Variants in ADGRV1 observed in about 807,000 individuals in gnomAD.
ADGRV1 encodes adhesion G protein-coupled receptor V1.
Under a neutral mutation model 596.2 loss-of-function variants are expected in ADGRV1, and 359 were observed. The ratio of observed to expected loss-of-function variants is 0.60; its 90% confidence interval spans 0.55 to 0.66. The LOEUF (loss-of-function observed/expected upper bound fraction) is 0.66, where lower values mean the gene tolerates loss of function less well. Among genes scored for constraint, ADGRV1 ranks in the 30% least tolerant of loss-of-function variants. ADGRV1 has a pLI of 0.00. For missense variants in ADGRV1, 7,274 were observed against 7,575.6 expected (o/e 0.96, Z 1.48); for synonymous variants, 2,681 against 2,679.2 (o/e 1.00, Z -0.02).
At chr5:90,875,313 C>A (rs1038828748) in intron 83 of ADGRV1, among the ~76,000 whole-genome samples, 6 of 152,140 alleles carry the variant, frequency 3.9e-5, no homozygotes, top group African/African-American at 1.4e-4. Flanking sequence ...GTGTTCAATG[C>A]AGAATTAATT....
At chr5:90,855,699 A>G in intron 81 of ADGRV1, 42 bp from the exon 82 acceptor site, 2 of 1,428,218 alleles carry the variant, frequency 1.4e-6, no homozygotes, top group Non-Finnish European at 1.9e-6. Flanking sequence ...CACCTTCAGT[A>G]TTGATGAAAG....
chr5:90,783,348 G>T, intron 66 of ADGRV1, 23 bp downstream of exon 66: 1 of 1,463,168 alleles, frequency 6.8e-7, no homozygotes, highest in Non-Finnish European at 9.5e-7. Flanking sequence ...AAAATAATGT[G>T]GGCACATATA....
intron 85 of ADGRV1, among the ~76,000 whole-genome samples, chr5:91,061,672 T>C (rs1393411138): frequency 2.0e-5 from 3 of 152,198 alleles, no homozygotes; most frequent in Non-Finnish European, 4.4e-5. Context: ...TTTCAAGCAA[T>C]ATAAGCATAT....
intron 83 of ADGRV1, among the ~76,000 whole-genome samples, chr5:90,943,300 T>G (rs1378826956): frequency 6.6e-6 from 1 of 152,036 alleles, no homozygotes; most frequent in Non-Finnish European, 1.5e-5. Context: ...GAGAAAAGCT[T>G]TAACCACTCA....
chr5:90,854,019 C>T, intron 80 of ADGRV1, 43 bp from the exon 81 acceptor site: 1 of 1,428,344 alleles, frequency 7.0e-7, no homozygotes. Flanking sequence ...GTCATTACAC[C>T]AATTGTAAAA....
chr5:90,668,651 T>A (rs560218551), intron 21 of ADGRV1, among the ~76,000 whole-genome samples: 12 of 152,304 alleles, frequency 7.9e-5, no homozygotes, highest in Admixed American at 2.0e-4. Context: ...TAGTTTTTTT[T>A]AATGGACGCT....
At chr5:90,794,131 A>G (rs1479125171) in intron 70 of ADGRV1, among the ~76,000 whole-genome samples, 2 of 152,192 alleles carry the variant, frequency 1.3e-5, no homozygotes, top group Non-Finnish European at 2.9e-5. Context: ...ATAAAAGTTG[A>G]GACTTTGGAC....
rs1242541660 is a variant in ADGRV1 at position 90,802,885 on chromosome 5, A to T, written c.14661+3A>T. 1 of 1,599,892 alleles carries T rather than the reference A, an allele frequency of 6.3e-7. No homozygotes were observed. The highest frequency in any genetic ancestry group is 8.5e-7 in the Non-Finnish European group (1 of 1,172,716). On this transcript the variant is annotated splice_donor_region_variant and intron_variant, in intron 71 of 89. Transcript: ENST00000405460. ...CTGAGAAAGCTGCCAATTCTCAGGT[A>T]ATTGGCCCTGTGTGTGGTTCTCTCA...
intron 83 of ADGRV1, among the ~76,000 whole-genome samples, chr5:90,925,476 G>GATTTTGT (rs1236122679): frequency 3.3e-5 from 5 of 152,164 alleles, no homozygotes; most frequent in Non-Finnish European, 5.9e-5. Context: ...TTTGTACATT[G>GATTTTGT]ATTTTGTATC....
At position 90,676,217 on chromosome 5, in the gene ADGRV1, T is replaced by A. The variant is rs762030078; in HGVS notation, c.5443+8T>A. The A allele has an allele frequency of 8.2e-6, 13 of 1,594,772 alleles. No homozygotes were observed. Among genetic ancestry groups the A allele is most frequent in the Admixed American group, 3.5e-5 (2 of 56,582 alleles). On this transcript the variant is annotated splice_region_variant and intron_variant, in intron 25 of 89. Coordinates refer to ENST00000405460, the MANE Select transcript of ADGRV1 (RefSeq NM_032119.4). Reference sequence around the variant, plus strand: ...TAAACTTGGAAGGAGGAGGTAAGGCTGGTGATTCAAAAATGTTAAATATTT... The same window carrying A: ...TAAACTTGGAAGGAGGAGGTAAGGCAGGTGATTCAAAAATGTTAAATATTT...
Position 90,693,938 on chromosome 5 carries a change from T to C in ADGRV1, c.7182T>C (p.Ile2394=). 6.3e-7 allele frequency: 1 copy of C among 1,599,374 alleles called. No individual in the cohort carries two copies. The highest frequency in any genetic ancestry group is 8.5e-7 in the Non-Finnish European group (1 of 1,170,204). The change falls in exon 33 of 90, where the codon ATT becomes ATC. Residue 2394 remains isoleucine, a synonymous_variant. Transcript: ENST00000405460. ...RLLLFYSTSD[I]DVVALAMEEG... ...TGTTGTTCTACAGTACTTCCGACATTGATGTAGTGGCTCTGGCAATGGAGG... is the reference window on the plus strand; with the variant it reads ...TGTTGTTCTACAGTACTTCCGACATCGATGTAGTGGCTCTGGCAATGGAGG...
chr5:90,622,803 CGATCTCAG>C lies in ADGRV1; in HGVS notation c.558+103_558+110del, dbSNP rs576057560. On this transcript the variant is annotated intron_variant, in intron 5 of 89. Coordinates refer to ENST00000405460, the MANE Select transcript of ADGRV1 (RefSeq NM_032119.4). Reference sequence around the variant, plus strand: ...TTGCCCAAGCTGGAGTGCAGTGGTGCGATCTCAGCTCAATGCAACCTCTGCCTCCCAGG... The same window carrying C: ...TTGCCCAAGCTGGAGTGCAGTGGTGCCTCAATGCAACCTCTGCCTCCCAGG... 0.07 allele frequency: 31,331 copies of C among 448,426 alleles called. 1,362 individuals are homozygous for C. Among genetic ancestry groups the C allele is most frequent in the Non-Finnish European group, 0.09 (24,031 of 265,764 alleles). The allele number at this position is 448,426 out of a possible 1,614,324, so 27.8% of individuals were successfully genotyped here.
At chr5:90,844,911 C>T (rs1280593960) in intron 78 of ADGRV1, among the ~76,000 whole-genome samples, 1 of 152,080 alleles carries the variant, frequency 6.6e-6, no homozygotes, top group Non-Finnish European at 1.5e-5. Context: ...CTTGTGGAGC[C>T]AGCCTGTTTC....
chr5:90,917,542 G>C (rs1773491699), intron 83 of ADGRV1, among the ~76,000 whole-genome samples: 1 of 152,128 alleles, frequency 6.6e-6, no homozygotes, highest in Admixed American at 6.6e-5. Flanking sequence ...AAAATCAACA[G>C]GTGTAACCTG....
chr5:90,743,982 A>G (rs1754309212), intron 50 of ADGRV1, among the ~76,000 whole-genome samples: 1 of 67,458 alleles, frequency 1.5e-5, no homozygotes, highest in Non-Finnish European at 2.8e-5. Context: ...AAGCAACCCT[A>G]TTAACTGATA....
rs200584854 is a variant in ADGRV1, at chr5:90,781,500, A to G, written c.13153A>G (p.Ile4385Val). The G allele has an allele frequency of 1.3e-4, 213 of 1,610,918 alleles. No individual in the cohort carries two copies. Among genetic ancestry groups the G allele is most frequent in the Non-Finnish European group, 1.5e-4 (181 of 1,178,306 alleles). ...ACCTCCTGAAATAGGAAACATCTCC[A>G]TTGTTCGCATCATAATAATGAAAAA... ...DQPPEIGNIS[I>V]VRIIIMKNDN... Residue 4385 changes from isoleucine to valine, a missense_variant, in exon 65 of 90, where the codon ATT becomes GTT. Transcript: ENST00000405460.
chr5:90,939,001 CTA>C (rs1248409740), intron 83 of ADGRV1, among the ~76,000 whole-genome samples: 1 of 152,140 alleles, frequency 6.6e-6, no homozygotes, highest in Non-Finnish European at 1.5e-5. Flanking sequence ...TGGTGGAAGA[CTA>C]TCAGTTATTC....
chr5:90,878,997 C>T (rs369294111), intron 83 of ADGRV1, among the ~76,000 whole-genome samples: 210 of 152,348 alleles, frequency 1.4e-3, no homozygotes, highest in African/African-American at 4.7e-3. Flanking sequence ...AAGGCTACTT[C>T]AGCTTTAAGT....
intron 85 of ADGRV1, among the ~76,000 whole-genome samples, chr5:91,067,601 C>T (rs1787996793): frequency 6.6e-6 from 1 of 152,218 alleles, no homozygotes; most frequent in Non-Finnish European, 1.5e-5. Context: ...GGTCACCTTT[C>T]AAAGTCTGCT....
Sources: allele counts gnomAD v4.1 joint callset (sites outside exome capture counted in the v4.1 genomes callset), GRCh38; gene constraint gnomAD v4.1.1; transcripts MANE v1.5; gene names NCBI Gene and HGNC (gene_info 2026-07-23, HGNC 2026-07-21).